OGN: variants seen among roughly 807,000 people sequenced by gnomAD.
OGN encodes the protein osteoglycin.
OGN carries 19 observed loss-of-function variants against 30.8 expected under a neutral mutation model. That is an observed-to-expected ratio of 0.62 (90% CI 0.43 to 0.90). The LOEUF (loss-of-function observed/expected upper bound fraction) is 0.90, where lower values mean the gene tolerates loss of function less well. Ranked by LOEUF, OGN falls within the 40% of genes least tolerant of loss-of-function variation. The pLI, the probability that OGN is intolerant of heterozygous loss-of-function variation, is 0.00. For missense variants in OGN, 283 were observed against 349.7 expected (o/e 0.81, Z 1.52); for synonymous variants, 126 against 128.3 (o/e 0.98, Z 0.12).
chr9:92,404,185 C>T (rs916523773), intron 1 of OGN, among the ~76,000 whole-genome samples: 2 of 152,092 alleles, frequency 1.3e-5, no homozygotes. Context: ...GTACACATTT[C>T]AGACTTTTTC....
chr9:92,391,658 C>T (rs1407900728), intron 4 of OGN, among the ~76,000 whole-genome samples: 1 of 152,004 alleles, frequency 6.6e-6, no homozygotes, highest in African/African-American at 2.4e-5. Flanking sequence ...AAACACAAAG[C>T]ACAAAAATGT....
At chr9:92,404,420 T>G in intron 1 of OGN, 76 bp downstream of exon 1, 1 of 965,280 alleles carries the variant, frequency 1.0e-6, no homozygotes, top group Non-Finnish European at 1.4e-6. Flanking sequence ...GGCCTTTACA[T>G]TTATTAAGAC....
At chr9:92,395,831 TC>T (rs1329433346) in intron 3 of OGN, among the ~76,000 whole-genome samples, 1 of 152,228 alleles carries the variant, frequency 6.6e-6, no homozygotes, top group South Asian at 2.1e-4. Context: ...TTTTTTTTTT[TC>T]CCTCTTACTA....
intron 5 of OGN, among the ~76,000 whole-genome samples, chr9:92,388,922 G>A (rs925835031): frequency 9.2e-5 from 14 of 151,742 alleles, no homozygotes; most frequent in African/African-American, 3.4e-4. Context: ...CATCAGATGA[G>A]CTCTGATGTA....
At position 92,403,431 on chromosome 9, in the gene OGN, G is replaced by A; in HGVS notation, c.-24C>T. On this transcript the variant is annotated 5_prime_UTR_variant, in exon 2 of 7. Coordinates refer to ENST00000375561, the MANE Select transcript of OGN (RefSeq NM_014057.5). Reference sequence around the variant, plus strand: ...ATTTTAGCAAAAATCAAGGTGACTGGAAGTTAATAAACTAGTGGCCTGCTG... The same window carrying A: ...ATTTTAGCAAAAATCAAGGTGACTGAAAGTTAATAAACTAGTGGCCTGCTG... 6.3e-7 allele frequency: 1 copy of A among 1,588,642 alleles called. No homozygotes were observed. The highest frequency in any genetic ancestry group is 8.6e-7 in the Non-Finnish European group (1 of 1,169,512).
In OGN at chr9:92,385,576, A is replaced by G. The variant is rs778167351; in HGVS notation, c.*44T>C. On this transcript the variant is annotated 3_prime_UTR_variant, in exon 7 of 7. Coordinates refer to ENST00000375561, the MANE Select transcript of OGN (RefSeq NM_014057.5). ...CCTTTACTCATTGTTGAGACAGACT[A>G]TTAGTGTAGGTGTACTTTCATTTAT... 3.9e-6 allele frequency: 6 copies of G among 1,531,752 alleles called. No individual in the cohort carries two copies. The highest frequency in any genetic ancestry group is 2.2e-5 in the East Asian group (1 of 44,478). The allele number at this position is 1,531,752 out of a possible 1,614,324, so 94.9% of individuals were successfully genotyped here.
chr9:92,388,491 C>T (rs1217388823), intron 5 of OGN, among the ~76,000 whole-genome samples: 1 of 151,798 alleles, frequency 6.6e-6, no homozygotes, highest in African/African-American at 2.4e-5. Flanking sequence ...TTTAACATGT[C>T]TGTTATTCAA....
intron 3 of OGN, among the ~76,000 whole-genome samples, chr9:92,394,226 A>G (rs1842799535): frequency 6.6e-6 from 1 of 151,540 alleles, no homozygotes; most frequent in African/African-American, 2.4e-5. Flanking sequence ...ATATATTTTG[A>G]TATATTTTAT....
In OGN at chr9:92,399,580, T is replaced by A. The variant is rs1224709235; in HGVS notation, c.268+1512A>T. Reference sequence around the variant, plus strand: ...GGTCAAATTTATTGTTCTGTTCTATTGTTGTCTCTGGATTTTGAGGCACCC... The same window carrying A: ...GGTCAAATTTATTGTTCTGTTCTATAGTTGTCTCTGGATTTTGAGGCACCC... On this transcript the variant is annotated intron_variant, in intron 3 of 6. Transcript: ENST00000375561. Among the ~76,000 whole-genome samples the A allele has an allele frequency of 2.0e-5, 3 of 152,220 alleles. No individual in the cohort carries two copies. The East Asian group carries it at 5.8e-4, about 29-fold the overall frequency.
chr9:92,395,983 T>G (rs559025746), intron 3 of OGN, among the ~76,000 whole-genome samples: 1 of 152,192 alleles, frequency 6.6e-6, no homozygotes, highest in African/African-American at 2.4e-5. Flanking sequence ...AGAAGTTGTA[T>G]AGTTTAAGAT....
At chr9:92,402,531 C>T (rs922476948) in intron 2 of OGN, among the ~76,000 whole-genome samples, 3 of 152,132 alleles carry the variant, frequency 2.0e-5, no homozygotes, top group Admixed American at 1.3e-4. Context: ...TTTCCTTACC[C>T]AGCATTCATT....
chr9:92,392,327 T>G (rs796890915), intron 4 of OGN, among the ~76,000 whole-genome samples: 6 of 152,218 alleles, frequency 3.9e-5, no homozygotes, highest in African/African-American at 1.4e-4. Context: ...TATCAGTATT[T>G]AAAAAATACT....
chr9:92,393,296 C>T, intron 3 of OGN, 52 bp from the exon 4 acceptor site: 1 of 1,401,812 alleles, frequency 7.1e-7, no homozygotes, highest in Non-Finnish European at 9.8e-7. Flanking sequence ...GAAAATATTT[C>T]TCCTCTAGTA....
intron 5 of OGN, among the ~76,000 whole-genome samples, chr9:92,389,046 C>T (rs1014133045): frequency 6.6e-6 from 1 of 151,872 alleles, no homozygotes; most frequent in African/African-American, 2.4e-5. Context: ...CAGAATTTAC[C>T]TGTGTGTGAT....
rs186110152 is a variant in OGN at position 92,385,613 on chromosome 9, A to G, written c.*7T>C. The G allele has an allele frequency of 6.2e-7, 1 of 1,612,662 alleles. No individual in the cohort carries two copies. The highest frequency in any genetic ancestry group is 2.2e-5 in the East Asian group (1 of 44,854). ...GTACTTTCATTTATATGTTGTACCA[A>G]TAGAGGTTAAAAGTATGACCCTATC... On this transcript the variant is annotated 3_prime_UTR_variant, in exon 7 of 7. Transcript: ENST00000375561.
At chr9:92,386,060 T>TTA (rs1258167807) in intron 6 of OGN, 141 bp downstream of exon 6, 1 of 675,852 alleles carries the variant, frequency 1.5e-6, no homozygotes, top group East Asian at 2.7e-5. Context: ...ATTAATCTTT[T>TTA]TGATAGGCAG....
chr9:92,387,053 GAAAAA>G (rs903436031), intron 5 of OGN, among the ~76,000 whole-genome samples: 19 of 50,176 alleles, frequency 3.8e-4, no homozygotes, highest in Non-Finnish European at 6.4e-4. Context: ...GTCTCAAAAA[GAAAAA>G]AAAAAAAAAA....
At chr9:92,399,707 G>C (rs1843030374) in intron 3 of OGN, among the ~76,000 whole-genome samples, 1 of 152,102 alleles carries the variant, frequency 6.6e-6, no homozygotes, top group Non-Finnish European at 1.5e-5. Context: ...GGACCTAAAT[G>C]TACACCTCTT....
Position 92,393,206 on chromosome 9 carries a change from A to G in OGN, c.307T>C (p.Ser103Pro). 6.2e-7 allele frequency: 1 copy of G among 1,610,222 alleles called. No individual in the cohort carries two copies. The highest frequency in any genetic ancestry group is 8.5e-7 in the Non-Finnish European group (1 of 1,177,860). ...ATGTCAACTTCTTCACAGTATACAG[A>G]GCCACTTAAACAAACACACAGCAGA... ...TCLLCVCLSG[S>P]VYCEEVDIDA... Residue 103 changes from serine to proline, a missense_variant, in exon 4 of 7, where the codon TCT (serine) becomes CCT (proline). Coordinates refer to ENST00000375561, the MANE Select transcript of OGN (RefSeq NM_014057.5).
Sources: allele counts gnomAD v4.1 joint callset (sites outside exome capture counted in the v4.1 genomes callset), GRCh38; gene constraint gnomAD v4.1.1; transcripts MANE v1.5; gene names NCBI Gene and HGNC (gene_info 2026-07-23, HGNC 2026-07-21).